Variants in ETV1 observed in about 807,000 individuals in gnomAD.
The protein encoded by ETV1 is ETS variant transcription factor 1, also known as ETS translocation variant 1.
In ETV1, 27 loss-of-function variants were observed where a neutral mutation model predicts 62.3. That is an observed-to-expected ratio of 0.43 (90% CI 0.32 to 0.60). The LOEUF is 0.60. ETV1 is among the 20% of genes least tolerant of loss of function. The probability of loss-of-function intolerance (pLI) is 0.06; values close to 1 mark genes in which losing one functional copy is unlikely to be tolerated. For synonymous variants in ETV1, 222 were observed against 199.6 expected (o/e 1.11, Z -0.94); for missense variants, 605 against 605.8 (o/e 1.00, Z 0.01).
intron 3 of ETV1, 147 bp from the exon 4 acceptor site, chr7:13,988,320 A>T: frequency 1.6e-6 from 1 of 607,068 alleles, no homozygotes; most frequent in Non-Finnish European, 2.9e-6. Context: ...CCATAGTATC[A>T]ACTCTAATAT....
chr7:13,961,183 A>G (rs1790126750), intron 6 of ETV1, among the ~76,000 whole-genome samples: 1 of 152,110 alleles, frequency 6.6e-6, no homozygotes, highest in Non-Finnish European at 1.5e-5. Context: ...AAAATCTGTT[A>G]TTATATAAGA....
chr7:13,942,258 C>T (rs1787640169), intron 6 of ETV1, among the ~76,000 whole-genome samples: 3 of 152,148 alleles, frequency 2.0e-5, no homozygotes, highest in Non-Finnish European at 2.9e-5. Flanking sequence ...CTCCTGACCT[C>T]GTGATCCGCC....
intron 6 of ETV1, among the ~76,000 whole-genome samples, chr7:13,960,310 T>C (rs563282134): frequency 3.3e-5 from 5 of 152,278 alleles, no homozygotes; most frequent in African/African-American, 9.6e-5. Context: ...TTCATTACTG[T>C]TACTATAGCT....
rs146512399 is a variant in ETV1 at position 13,953,501 on chromosome 7, G to A, written c.236-14255C>T. 4.5e-4 allele frequency among the ~76,000 whole-genome samples: 68 copies of A among 152,134 alleles called. 1 individual carries two copies. In the East Asian group the frequency reaches 4.6e-3, roughly 10 times the overall value. ...GACTGGGAAGTGTTTGTTATTATTC[G>A]TAGCTGAGTAGGAGCTGGAAGATCC... On this transcript the variant is annotated intron_variant, in intron 6 of 13. Coordinates refer to ENST00000430479, the MANE Select transcript of ETV1 (RefSeq NM_004956.5).
intron 9 of ETV1, among the ~76,000 whole-genome samples, chr7:13,916,022 G>A (rs1784117972): frequency 6.6e-6 from 1 of 151,968 alleles, no homozygotes; most frequent in Non-Finnish European, 1.5e-5. Context: ...GGATGCGAAT[G>A]TAACATCTTA....
At chr7:13,967,562 TA>T (rs1335365219) in intron 6 of ETV1, among the ~76,000 whole-genome samples, 1 of 152,046 alleles carries the variant, frequency 6.6e-6, no homozygotes, top group Admixed American at 6.6e-5. Flanking sequence ...GCTTTAGATT[TA>T]AAAAAACAAT....
At chr7:13,961,507 G>A (rs193013899) in intron 6 of ETV1, among the ~76,000 whole-genome samples, 11 of 152,198 alleles carry the variant, frequency 7.2e-5, no homozygotes, top group Non-Finnish European at 1.3e-4. Flanking sequence ...TATTTAAGTA[G>A]TGAAATTTTT....
At chr7:13,925,355 G>A (rs1234643622) in intron 9 of ETV1, among the ~76,000 whole-genome samples, 2 of 152,120 alleles carry the variant, frequency 1.3e-5, no homozygotes, top group Non-Finnish European at 2.9e-5. Context: ...AAACCCTAAT[G>A]GTAGCATTGC....
intron 9 of ETV1, among the ~76,000 whole-genome samples, chr7:13,928,819 G>A (rs190283166): frequency 1.3e-5 from 2 of 152,034 alleles, no homozygotes; most frequent in East Asian, 3.9e-4. Flanking sequence ...TCAGCCGGGT[G>A]TGGTGGTGGG....
chr7:13,988,484 T>C (rs1562727086), intron 3 of ETV1: 1 of 645,674 alleles, frequency 1.5e-6, no homozygotes, highest in South Asian at 2.2e-5. Context: ...TTAAAGTTGT[T>C]TTTAGGCTGG....
chr7:13,910,838 A>G (rs1373192677), intron 10 of ETV1, among the ~76,000 whole-genome samples: 1 of 152,212 alleles, frequency 6.6e-6, no homozygotes. Context: ...AATCCAGAAC[A>G]TTTAAAGGTG....
chr7:13,919,812 A>C (rs537376322), intron 9 of ETV1, among the ~76,000 whole-genome samples: 163 of 152,258 alleles, frequency 1.1e-3, no homozygotes, highest in Middle Eastern at 6.8e-3. Flanking sequence ...AGTTATGTAA[A>C]CACTTTAAAA....
At chr7:13,907,069 T>A (rs72589660) in intron 11 of ETV1, among the ~76,000 whole-genome samples, 18,749 of 152,120 alleles carry the variant, frequency 0.12, 1,294 homozygotes, top group East Asian at 0.23. Flanking sequence ...AAATATCTTA[T>A]TGACCTGCTC....
At chr7:13,984,091 A>G (rs1782277684) in intron 5 of ETV1, among the ~76,000 whole-genome samples, 1 of 151,996 alleles carries the variant, frequency 6.6e-6, no homozygotes, top group Non-Finnish European at 1.5e-5. Flanking sequence ...CAAAAACACA[A>G]TTATCATATG....
At chr7:13,948,588 G>A (rs1303773523) in intron 6 of ETV1, among the ~76,000 whole-genome samples, 1 of 152,150 alleles carries the variant, frequency 6.6e-6, no homozygotes. Flanking sequence ...TGAAGCGTTA[G>A]TAGAACACTC....
intron 6 of ETV1, among the ~76,000 whole-genome samples, chr7:13,962,313 A>G (rs1022782782): frequency 4.6e-5 from 7 of 151,910 alleles, no homozygotes; most frequent in Admixed American, 1.3e-4. Context: ...AATTGCTTGT[A>G]CAAGGTCACA....
intron 6 of ETV1, among the ~76,000 whole-genome samples, chr7:13,966,361 G>T (rs1156276054): frequency 6.6e-6 from 1 of 152,130 alleles, no homozygotes; most frequent in Non-Finnish European, 1.5e-5. Context: ...GTCCGGGTGT[G>T]GTGGCTCACA....
intron 6 of ETV1, among the ~76,000 whole-genome samples, chr7:13,971,250 C>T (rs1337963554): frequency 6.6e-6 from 1 of 152,118 alleles, no homozygotes; most frequent in Non-Finnish European, 1.5e-5. Flanking sequence ...GGACTACAGG[C>T]GTGAGCCAAT....
At chr7:13,964,673 C>A (rs1790574040) in intron 6 of ETV1, among the ~76,000 whole-genome samples, 1 of 151,894 alleles carries the variant, frequency 6.6e-6, no homozygotes, top group South Asian at 2.1e-4. Flanking sequence ...TTTAAAAATA[C>A]CCTTCTGAAT....
Sources: allele counts gnomAD v4.1 joint callset (sites outside exome capture counted in the v4.1 genomes callset), GRCh38; gene constraint gnomAD v4.1.1; transcripts MANE v1.5; gene names NCBI Gene and HGNC (gene_info 2026-07-23, HGNC 2026-07-21).